The following HDAC9 variants were observed in gnomAD, a reference collection of about 807,000 sequenced individuals.
HDAC9 encodes histone deacetylase 9, also known as MEF-2 interacting transcription repressor (MITR) protein.
HDAC9 carries 41 observed loss-of-function variants against 139.4 expected under a neutral mutation model. The ratio of observed to expected loss-of-function variants is 0.29; its 90% confidence interval spans 0.23 to 0.38. The LOEUF (loss-of-function observed/expected upper bound fraction) is 0.38. Ranked by LOEUF, HDAC9 falls within the 10% of genes least tolerant of loss-of-function variation. HDAC9 has a pLI of 1.00. For missense variants in HDAC9, 1,147 were observed against 1,297.0 expected (o/e 0.88, Z 1.78); for synonymous variants, 517 against 476.2 (o/e 1.09, Z -1.12).
intron 2 of HDAC9, among the ~76,000 whole-genome samples, chr7:18,507,453 A>G (rs1186206705): frequency 1.3e-5 from 2 of 151,486 alleles, no homozygotes; most frequent in Non-Finnish European, 2.9e-5. Flanking sequence ...TCGGCCTCCC[A>G]AAGTGCTGGA....
chr7:18,565,140 C>G (rs801764), intron 2 of HDAC9, among the ~76,000 whole-genome samples: 152,189 of 152,190 alleles, frequency 1, 76,094 homozygotes, highest in Non-Finnish European at 1. Flanking sequence ...TGGATTACAG[C>G]CATGCGCCAC....
At chr7:18,617,999 A>G (rs1009356648) in intron 6 of HDAC9, among the ~76,000 whole-genome samples, 7 of 152,198 alleles carry the variant, frequency 4.6e-5, no homozygotes, top group African/African-American at 1.7e-4. Flanking sequence ...AGTTGATGTT[A>G]TAGTCTTTTA....
At chr7:18,887,057 C>G (rs1300974367) in intron 22 of HDAC9, among the ~76,000 whole-genome samples, 53 of 152,300 alleles carry the variant, frequency 3.5e-4, no homozygotes, top group Non-Finnish European at 4.4e-5. Flanking sequence ...CAAGAATCAG[C>G]TATTAATACG....
chr7:18,499,419 C>G (rs950417486), intron 2 of HDAC9, among the ~76,000 whole-genome samples: 1 of 151,910 alleles, frequency 6.6e-6, no homozygotes, highest in Non-Finnish European at 1.5e-5. Flanking sequence ...TAATATTGTA[C>G]TAATATATTT....
chr7:18,490,609 T>C (rs1796292071), intron 1 of HDAC9, among the ~76,000 whole-genome samples: 1 of 151,934 alleles, frequency 6.6e-6, no homozygotes, highest in South Asian at 2.1e-4. Flanking sequence ...GTTAATTGAG[T>C]ATCCCTTATT....
chr7:18,909,710 G>A (rs1291550393), intron 22 of HDAC9, among the ~76,000 whole-genome samples: 2 of 151,944 alleles, frequency 1.3e-5, no homozygotes, highest in African/African-American at 4.8e-5. Flanking sequence ...ATGATGCGGA[G>A]ACTGTCCCTT....
At chr7:18,666,107 T>C in intron 11 of HDAC9, 106 bp from the exon 12 acceptor site, 1 of 1,202,756 alleles carries the variant, frequency 8.3e-7, no homozygotes, top group South Asian at 1.6e-5. Flanking sequence ...TTATGTTCAA[T>C]GATTAGAAAT....
chr7:18,390,225 C>T (rs181966011), intron 1 of HDAC9, among the ~76,000 whole-genome samples: 39 of 152,178 alleles, frequency 2.6e-4, no homozygotes, highest in Admixed American at 4.6e-4. Context: ...AAGTAATTCT[C>T]GGATAATGAC....
At chr7:18,297,260 A>T (rs530974903) in intron 1 of HDAC9, among the ~76,000 whole-genome samples, 1 of 152,216 alleles carries the variant, frequency 6.6e-6, no homozygotes, top group Non-Finnish European at 1.5e-5. Context: ...TATTTAAAAA[A>T]CTTTTAATTA....
intron 2 of HDAC9, chr7:18,517,850 GCTAAGAAACTC>G (rs1184836508): frequency 6.6e-6 from 1 of 152,142 alleles, no homozygotes; most frequent in African/African-American, 2.4e-5. Flanking sequence ...TCTTTCACAT[GCTAAGAAACTC>G]CTGACTATAC....
intron 1 of HDAC9, among the ~76,000 whole-genome samples, chr7:18,464,224 TA>T (rs1794081896): frequency 6.6e-6 from 1 of 151,988 alleles, no homozygotes; most frequent in African/African-American, 2.4e-5. Context: ...TCTTTATATT[TA>T]AAATTTCTTT....
intron 1 of HDAC9, among the ~76,000 whole-genome samples, chr7:18,370,941 C>G (rs1399375241): frequency 2.6e-5 from 4 of 152,112 alleles, no homozygotes; most frequent in African/African-American, 9.7e-5. Flanking sequence ...ATCACATAAA[C>G]AGAACCACTT....
At chr7:18,392,315 T>TCTCACACACA (rs1554402177) in intron 1 of HDAC9, among the ~76,000 whole-genome samples, 4 of 119,298 alleles carry the variant, frequency 3.4e-5, no homozygotes, top group African/African-American at 1.0e-4. Flanking sequence ...TCTCTCTCTC[T>TCTCACACACA]CACACACACA....
At chr7:18,823,714 T>C (rs1214083182) in intron 17 of HDAC9, among the ~76,000 whole-genome samples, 1 of 152,064 alleles carries the variant, frequency 6.6e-6, no homozygotes, top group Non-Finnish European at 1.5e-5. Context: ...GCACAGTTGC[T>C]CACACCTGTA....
At chr7:18,627,524 CAT>C (rs1225491873) in intron 6 of HDAC9, among the ~76,000 whole-genome samples, 1 of 152,100 alleles carries the variant, frequency 6.6e-6, no homozygotes, top group Non-Finnish European at 1.5e-5. Flanking sequence ...TACATGAAAA[CAT>C]ATCTAAGTAC....
At chr7:18,181,065 A>C (rs1477917368) in intron 2 of HDAC9, among the ~76,000 whole-genome samples, 4 of 152,162 alleles carry the variant, frequency 2.6e-5, no homozygotes, top group African/African-American at 4.8e-5. Context: ...AATCTGAGAT[A>C]ATCTCCCCAT....
chr7:18,270,581 A>G (rs1300081019), intron 2 of HDAC9, among the ~76,000 whole-genome samples: 1 of 152,162 alleles, frequency 6.6e-6, no homozygotes. Flanking sequence ...TTTTTTCTGT[A>G]AAAAGTTAGG....
chr7:18,639,311 C>T (rs561327819), intron 8 of HDAC9, among the ~76,000 whole-genome samples: 1 of 152,044 alleles, frequency 6.6e-6, no homozygotes, highest in Non-Finnish European at 1.5e-5. Context: ...ACACGTTCCC[C>T]CCACCCCCAA....
chr7:18,907,647 G>C (rs1802381898), intron 22 of HDAC9, among the ~76,000 whole-genome samples: 1 of 152,186 alleles, frequency 6.6e-6, no homozygotes, highest in African/African-American at 2.4e-5. Flanking sequence ...GGCAAAGGTG[G>C]ACCTATAATC....
Sources: gnomAD v4.1 joint callset for allele counts (sites outside exome capture counted in the v4.1 genomes callset) on GRCh38, gnomAD v4.1.1 for gene constraint, MANE v1.5 for transcripts, NCBI Gene and HGNC (gene_info 2026-07-23, HGNC 2026-07-21) for gene names.